The following CCNI variants were observed in gnomAD, a reference collection of about 807,000 sequenced individuals.
CCNI encodes cyclin-I.
CCNI carries 14 observed loss-of-function variants against 34.1 expected under a neutral mutation model. The observed-to-expected ratio is 0.41, with a 90% CI of 0.27 to 0.64. The LOEUF is 0.64. Among genes scored for constraint, CCNI ranks in the 30% least tolerant of loss-of-function variants. The pLI is 0.31. For missense variants in CCNI, 385 were observed against 440.5 expected (o/e 0.87, Z 1.13); for synonymous variants, 154 against 158.4 (o/e 0.97, Z 0.21).
intron 2 of CCNI, among the ~76,000 whole-genome samples, chr4:77,059,772 T>A (rs1212563137): frequency 2.6e-5 from 4 of 152,166 alleles, no homozygotes; most frequent in Non-Finnish European, 5.9e-5. Context: ...AGTTCTGGAC[T>A]AAGGATCCAT....
At position 77,064,207 on chromosome 4, in the gene CCNI, C is replaced by T. The variant is rs4252834; in HGVS notation, c.114+2042G>A. On this transcript the variant is annotated intron_variant, in intron 2 of 6. Transcript: ENST00000237654. ...ACAGTGAGCCGAGATCATGCCATTG[C>T]ACTCCAGCCTGGGCAAAAAGAGAAA... 1.7e-3 allele frequency among the ~76,000 whole-genome samples: 261 copies of T among 151,236 alleles called. 1 individual carries two copies. Among genetic ancestry groups the T allele is most frequent in the African/African-American group, 6.0e-3 (247 of 41,080 alleles).
intron 1 of CCNI, among the ~76,000 whole-genome samples, chr4:77,070,469 ACTTT>A (rs1034402908): frequency 4.2e-5 from 6 of 143,392 alleles, no homozygotes; most frequent in East Asian, 2.0e-4. Flanking sequence ...AGGTTTGGGT[ACTTT>A]CTTTTTTTTT....
At chr4:77,070,498 C>T (rs1212224000) in intron 1 of CCNI, among the ~76,000 whole-genome samples, 2 of 141,568 alleles carry the variant, frequency 1.4e-5, no homozygotes, top group Non-Finnish European at 3.0e-5. Context: ...TTTTTTGACA[C>T]ATCCTTGTTC....
chr4:77,052,245 C>T (rs1219661342), intron 6 of CCNI, among the ~76,000 whole-genome samples: 1 of 152,004 alleles, frequency 6.6e-6, no homozygotes, highest in Non-Finnish European at 1.5e-5. Flanking sequence ...TTAATTCACT[C>T]AGGATAATGG....
chr4:77,053,648 G>A (rs1038470022), intron 6 of CCNI, among the ~76,000 whole-genome samples: 3 of 152,068 alleles, frequency 2.0e-5, no homozygotes, highest in East Asian at 1.9e-4. Context: ...GTACTATCTT[G>A]AGAGTAAGCA....
At position 77,048,455 on chromosome 4, in the gene CCNI, C is replaced by G; in HGVS notation, c.898G>C (p.Val300Leu). The G allele has an allele frequency of 6.2e-7, 1 of 1,614,186 alleles. No homozygotes were observed. Among genetic ancestry groups the G allele is most frequent in the Non-Finnish European group, 8.5e-7 (1 of 1,180,038 alleles). The part of the protein sequence containing the change: ...SKDNSKPEVP[V>L]RGTAAFYHHL... The stretch of plus-strand genomic sequence containing the variant: ...TGGTAAAAGGCTGCTGTACCTCTGA[C>G]TGGCACTTCTGGCTTGCTGTTGTCC... Residue 300 changes from valine to leucine, a missense_variant, in exon 7 of 7, where the codon GTC (valine) becomes CTC (leucine). This residue lies in a region of CCNI where 250 missense variants were observed against 248.7 expected (regional missense o/e 1.01). Coordinates refer to ENST00000237654, the MANE Select transcript of CCNI (RefSeq NM_006835.3).
chr4:77,051,781 G>A (rs1727856776), intron 6 of CCNI, among the ~76,000 whole-genome samples: 1 of 151,964 alleles, frequency 6.6e-6, no homozygotes, highest in Admixed American at 6.6e-5. Context: ...CTAATTATAA[G>A]GTGTCAAGAG....
intron 2 of CCNI, 37 bp from the exon 3 acceptor site, chr4:77,058,672 T>C (rs1241742603): frequency 1.9e-6 from 3 of 1,591,058 alleles, no homozygotes; most frequent in Non-Finnish European, 2.6e-6. Context: ...AAGACAAAGT[T>C]TGAGCTATCA....
chr4:77,049,701 A>G (rs1472480028), intron 6 of CCNI, among the ~76,000 whole-genome samples: 1 of 151,444 alleles, frequency 6.6e-6, no homozygotes, highest in Non-Finnish European at 1.5e-5. Flanking sequence ...AAAAAAAGAC[A>G]CTAAAACCTT....
At chr4:77,067,384 A>G (rs1197167274) in intron 1 of CCNI, among the ~76,000 whole-genome samples, 1 of 152,240 alleles carries the variant, frequency 6.6e-6, no homozygotes, top group East Asian at 1.9e-4. Flanking sequence ...GTGCTCACCT[A>G]GAAAGCTCCA....
chr4:77,062,592 G>C (rs1177007393), intron 2 of CCNI, among the ~76,000 whole-genome samples: 6 of 151,818 alleles, frequency 4.0e-5, no homozygotes, highest in Admixed American at 3.9e-4. Context: ...TTTTCCTTTT[G>C]GCTTTGATGA....
intron 6 of CCNI, among the ~76,000 whole-genome samples, chr4:77,049,273 C>CT (rs1180741267): frequency 6.6e-6 from 1 of 152,158 alleles, no homozygotes; most frequent in Non-Finnish European, 1.5e-5. Context: ...CTGATTCCTT[C>CT]TTACCCTTCA....
intron 1 of CCNI, among the ~76,000 whole-genome samples, chr4:77,073,917 T>C (rs754501124): frequency 3.0e-4 from 45 of 152,344 alleles, no homozygotes; most frequent in Middle Eastern, 3.4e-3. Context: ...GCTTACTATT[T>C]GACTACCTAT....
intron 2 of CCNI, among the ~76,000 whole-genome samples, chr4:77,063,053 C>A (rs556799808): frequency 2.0e-5 from 3 of 152,100 alleles, no homozygotes; most frequent in Admixed American, 1.3e-4. Context: ...AATTATAATA[C>A]TTTGTGCTGT....
intron 5 of CCNI, among the ~76,000 whole-genome samples, chr4:77,055,758 C>T (rs1447810415): frequency 2.0e-5 from 3 of 151,924 alleles, no homozygotes; most frequent in African/African-American, 4.8e-5. Flanking sequence ...TGAGCCACCG[C>T]GCCCAGCCTA....
chr4:77,064,050 C>T (rs4252837), intron 2 of CCNI, among the ~76,000 whole-genome samples: 1,697 of 151,960 alleles, frequency 0.011, 22 homozygotes, highest in Non-Finnish European at 0.016. Context: ...GAGACCAGCT[C>T]GGCCAACATG....
chr4:77,062,065 T>G (rs916841213), intron 2 of CCNI, among the ~76,000 whole-genome samples: 1 of 152,154 alleles, frequency 6.6e-6, no homozygotes, highest in Non-Finnish European at 1.5e-5. Context: ...TCCTTGCCCC[T>G]GGTATTTTAC....
intron 1 of CCNI, among the ~76,000 whole-genome samples, chr4:77,073,521 C>T (rs774206026): frequency 2.0e-5 from 3 of 152,308 alleles, no homozygotes; most frequent in Non-Finnish European, 4.4e-5. Flanking sequence ...TTAACGTGGC[C>T]ATACAAGAAA....
intron 6 of CCNI, among the ~76,000 whole-genome samples, chr4:77,050,029 A>C (rs551705224): frequency 2.0e-5 from 3 of 152,248 alleles, no homozygotes; most frequent in African/African-American, 7.2e-5. Context: ...GAATCTCCAT[A>C]ATCTGATCTC....
Sources: gnomAD v4.1 joint callset for allele counts (sites outside exome capture counted in the v4.1 genomes callset) on GRCh38, gnomAD v4.1.1 for gene constraint, gnomAD v4.1.1 regional missense constraint, MANE v1.5 for transcripts, NCBI Gene and HGNC (gene_info 2026-07-23, HGNC 2026-07-21) for gene names.